The following FIG4 variants were observed in gnomAD, a reference collection of about 807,000 sequenced individuals.
FIG4 encodes the protein polyphosphoinositide phosphatase.
In FIG4, 112 loss-of-function variants were observed where a neutral mutation model predicts 118.6. That is an observed-to-expected ratio of 0.94 (90% confidence interval 0.81 to 1.11). The LOEUF is 1.11. FIG4 is among the 50% of genes least tolerant of loss of function. FIG4 has a pLI of 0.00. For synonymous variants in FIG4, 369 were observed against 381.2 expected (o/e 0.97, Z 0.37); for missense variants, 969 against 1,111.7 (o/e 0.87, Z 1.83).
Position 109,800,919 on chromosome 6 carries a change from T to G in FIG4, c.2546+4068T>G, listed in dbSNP as rs532137813. Among the ~76,000 whole-genome samples, 5 of 152,274 alleles carry G rather than the reference T, an allele frequency of 3.3e-5. No individual in the cohort carries two copies. The East Asian group carries it at 9.7e-4, about 29-fold the overall frequency. On this transcript the variant is annotated intron_variant, in intron 22 of 22. Transcript: ENST00000230124. ...ACTGCACCTGTGACCAAATGCCAGG[T>G]GAGAAGGACTGGAGTGGCAAGACTT...
chr6:109,762,286 A>T, intron 12 of FIG4, 79 bp downstream of exon 12: 1 of 880,190 alleles, frequency 1.1e-6, no homozygotes, highest in Non-Finnish European at 1.9e-6. Context: ...AGTTTGTACT[A>T]CTTGGAAATT....
intron 22 of FIG4, among the ~76,000 whole-genome samples, chr6:109,815,148 A>G (rs1226277890): frequency 6.6e-6 from 1 of 152,076 alleles, no homozygotes; most frequent in Non-Finnish European, 1.5e-5. Flanking sequence ...CTGGACTCCC[A>G]TTACCCTCGT....
chr6:109,751,759 T>C (rs887082352), intron 10 of FIG4, among the ~76,000 whole-genome samples: 2 of 152,030 alleles, frequency 1.3e-5, no homozygotes, highest in African/African-American at 4.8e-5. Context: ...TCAGTGATGA[T>C]CTACCCTTTA....
chr6:109,762,709 CAAT>C (rs1374285950), intron 12 of FIG4, among the ~76,000 whole-genome samples: 1 of 151,360 alleles, frequency 6.6e-6, no homozygotes, highest in African/African-American at 2.4e-5. Flanking sequence ...AATCATAAGA[CAAT>C]AAAAAAGAAC....
At chr6:109,743,487 T>C in intron 9 of FIG4, 188 bp from the exon 10 acceptor site, 1 of 663,510 alleles carries the variant, frequency 1.5e-6, no homozygotes, top group Non-Finnish European at 2.6e-6. Flanking sequence ...TTCAGAAATG[T>C]AAGAATCATT....
chr6:109,797,806 G>T (rs999588330), intron 22 of FIG4, among the ~76,000 whole-genome samples: 1 of 150,790 alleles, frequency 6.6e-6, no homozygotes, highest in Non-Finnish European at 1.5e-5. Flanking sequence ...GGAGACAGGA[G>T]AATTGTTTGA....
intron 10 of FIG4, among the ~76,000 whole-genome samples, chr6:109,758,669 G>A (rs1241750574): frequency 6.6e-6 from 1 of 152,138 alleles, no homozygotes; most frequent in Non-Finnish European, 1.5e-5. Context: ...GAGTGAACAG[G>A]CAGCCTACAG....
rs1274059876 is a variant in FIG4, at chr6:109,765,272, G to A, written c.1583+111G>A. On this transcript the variant is annotated intron_variant, in intron 14 of 22. Transcript: ENST00000230124. ...CTACTTTTAGCTTCTCAAAAATTAT[G>A]TTGCTAGAAAACATTATTCAAACTC... 3 of 847,418 alleles carry A rather than the reference G, an allele frequency of 3.5e-6. No individual in the cohort carries two copies. In the African/African-American group the frequency reaches 5.1e-5, roughly 14 times the overall value. 52.5% of individuals were successfully genotyped at this position (847,418 alleles called of 1,614,324 possible).
chr6:109,728,904 G>A lies in FIG4; in HGVS notation c.446+1639G>A, dbSNP rs557141508. On this transcript the variant is annotated intron_variant, in intron 4 of 22. Coordinates refer to ENST00000230124, the MANE Select transcript of FIG4 (RefSeq NM_014845.6). The stretch of plus-strand genomic sequence containing the variant: ...ATACTAATACAAATTATGTTGTTGT[G>A]TACAGTGATTTGGATATCTTTAAAG... 2.0e-5 allele frequency among the ~76,000 whole-genome samples: 3 copies of A among 152,024 alleles called. No homozygotes were observed. The East Asian group carries it at 5.8e-4, about 29-fold the overall frequency.
chr6:109,770,885 G>A (rs557339952), intron 15 of FIG4, among the ~76,000 whole-genome samples: 3 of 152,138 alleles, frequency 2.0e-5, no homozygotes, highest in Non-Finnish European at 4.4e-5. Context: ...AGCTTATCAC[G>A]TGTGGAAGAC....
rs1776518833 is a variant in FIG4, at chr6:109,746,935, TA to T, written c.1137+3164del. 4.7e-5 allele frequency among the ~76,000 whole-genome samples: 7 copies of T among 150,104 alleles called. No individual in the cohort carries two copies. The South Asian group carries it at 1.5e-3, about 32-fold the overall frequency. On this transcript the variant is annotated intron_variant, in intron 10 of 22. Transcript: ENST00000230124. ...ATGGGCTGGATTTGAAATGAGGGAG[TA>T]GGGGGTGTCAGGCTCAATTCTCAGG...
chr6:109,822,891 C>CTA (rs902018270), intron 22 of FIG4, among the ~76,000 whole-genome samples: 2 of 142,540 alleles, frequency 1.4e-5, no homozygotes, highest in Non-Finnish European at 3.0e-5. Flanking sequence ...TAAAGCATAA[C>CTA]TATATATATA....
intron 22 of FIG4, among the ~76,000 whole-genome samples, chr6:109,815,619 T>C (rs1778841845): frequency 1.3e-5 from 2 of 151,088 alleles, no homozygotes; most frequent in African/African-American, 2.4e-5. Context: ...AGGACTGGCC[T>C]GTGCAGTGGA....
chr6:109,726,412 ATG>A (rs1391412427), intron 3 of FIG4, among the ~76,000 whole-genome samples: 2 of 152,086 alleles, frequency 1.3e-5, no homozygotes, highest in East Asian at 3.9e-4. Context: ...ATGGTTGTAG[ATG>A]TGTGGTGTTA....
intron 16 of FIG4, among the ~76,000 whole-genome samples, chr6:109,782,401 T>C (rs1442602291): frequency 6.6e-6 from 1 of 152,214 alleles, no homozygotes. Flanking sequence ...TTGGAATCTT[T>C]TAAAAGTGTT....
intron 1 of FIG4, chr6:109,701,656 C>G: frequency 2.1e-6 from 1 of 470,100 alleles, no homozygotes; most frequent in Non-Finnish European, 4.4e-6. Context: ...TGCCTTGTTC[C>G]AAAAGGATTT....
intron 10 of FIG4, among the ~76,000 whole-genome samples, chr6:109,752,583 T>C (rs1324447754): frequency 1.3e-5 from 2 of 152,260 alleles, no homozygotes; most frequent in East Asian, 3.8e-4. Flanking sequence ...GTTTCTCTGA[T>C]GACCAGTGAT....
rs1363256475 is a variant in FIG4, at chr6:109,786,072, C to G, written c.1949-230C>G. 2 of 540,248 alleles carry G rather than the reference C, an allele frequency of 3.7e-6. 1 individual carries two copies. Among genetic ancestry groups the G allele is most frequent in the East Asian group, 6.3e-5 (2 of 31,602 alleles). The allele number at this position is 540,248 out of a possible 1,614,324, so 33.5% of individuals were successfully genotyped here. The stretch of plus-strand genomic sequence containing the variant: ...TGCTCCCATTGGACTTCCTGAGGCC[C>G]TCCTGGCTCCTTAGAGCTTGTTGAA... On this transcript the variant is annotated intron_variant, in intron 17 of 22. Transcript: ENST00000230124.
intron 3 of FIG4, among the ~76,000 whole-genome samples, chr6:109,719,734 G>A (rs995623959): frequency 6.6e-6 from 1 of 152,080 alleles, no homozygotes; most frequent in Non-Finnish European, 1.5e-5. Context: ...GTATTCCAGA[G>A]TTGTATTGGG....
Sources: allele counts gnomAD v4.1 joint callset (sites outside exome capture counted in the v4.1 genomes callset), GRCh38; gene constraint gnomAD v4.1.1; transcripts MANE v1.5; gene names NCBI Gene and HGNC (gene_info 2026-07-23, HGNC 2026-07-21).